POLI: variants seen among roughly 807,000 people sequenced by gnomAD.
POLI encodes the protein RAD30 homolog B.
POLI carries 58 observed loss-of-function variants against 51.6 expected under a neutral mutation model. That is an observed-to-expected ratio of 1.12 (90% CI 0.91 to 1.40). POLI has a LOEUF of 1.40. POLI is among the 40% of genes most tolerant of loss of function. The probability of loss-of-function intolerance (pLI) is 0.00; values close to 1 mark genes in which losing one functional copy is unlikely to be tolerated. For synonymous variants in POLI, 322 were observed against 299.7 expected, an observed-to-expected ratio of 1.07 and a Z score of -0.77; for missense variants, 921 against 871.3, an observed-to-expected ratio of 1.06 and a Z score of -0.72.
chr18:54,271,602 A>G, intron 2 of POLI, 117 bp downstream of exon 2: 3 of 685,844 alleles, frequency 4.4e-6, no homozygotes, highest in Middle Eastern at 4.1e-4. Context: ...CAGTTCTTAC[A>G]GTGCTTTATA....
chr18:54,316,273 G>C (rs562834273), intron 3 of POLI, among the ~76,000 whole-genome samples: 4 of 152,144 alleles, frequency 2.6e-5, no homozygotes, highest in African/African-American at 9.6e-5. Flanking sequence ...TATTGGTATG[G>C]GACATTTTGA....
At chr18:54,309,883 C>T (rs115515961) in intron 3 of POLI, among the ~76,000 whole-genome samples, 27,631 of 152,186 alleles carry the variant, frequency 0.18, 2,707 homozygotes, top group Middle Eastern at 0.25. Context: ...GGGCATGGGA[C>T]CTGCTGAGCC....
At position 54,295,791 on chromosome 18, in the gene POLI, C is replaced by A; in HGVS notation, c.*1324C>A. On this transcript the variant is annotated 3_prime_UTR_variant, in exon 10 of 10. Transcript: ENST00000579534. ...TACACGCATGCCCTACCACACCCAGCAAATTTTTGTATTTTTAGTAGAGAT... is the reference window on the plus strand; with the variant it reads ...TACACGCATGCCCTACCACACCCAGAAAATTTTTGTATTTTTAGTAGAGAT... The A allele has an allele frequency of 4.4e-6, 1 of 228,692 alleles. No homozygotes were observed. Among genetic ancestry groups the A allele is most frequent in the Non-Finnish European group, 7.2e-6 (1 of 138,266 alleles). 14.2% of individuals were successfully genotyped at this position (228,692 alleles called of 1,614,324 possible).
chr18:54,286,079 G>T (rs975418633), intron 7 of POLI, among the ~76,000 whole-genome samples: 3 of 152,078 alleles, frequency 2.0e-5, no homozygotes, highest in Non-Finnish European at 4.4e-5. Context: ...GCCCAGGCTG[G>T]TCTTGAACTC....
At position 54,277,867 on chromosome 18, in the gene POLI, C is replaced by T; in HGVS notation, c.559+12C>T. On this transcript the variant is annotated intron_variant, in intron 4 of 9. Coordinates refer to ENST00000579534, the MANE Select transcript of POLI (RefSeq NM_007195.3). ...ATACAATAATCAGTGTGAGTGGGTTCTTATTCATTCTACCTACTAACCAAA... is the reference window on the plus strand; with the variant it reads ...ATACAATAATCAGTGTGAGTGGGTTTTTATTCATTCTACCTACTAACCAAA... 6.3e-7 allele frequency: 1 copy of T among 1,582,880 alleles called. No homozygotes were observed. Among genetic ancestry groups the T allele is most frequent in the South Asian group, 1.1e-5 (1 of 88,208 alleles).
In POLI at chr18:54,294,267, G is replaced by T. The variant is rs141627949; in HGVS notation, c.2023G>T (p.Asp675Tyr). Residue 675 changes from aspartate to tyrosine, a missense_variant, in exon 10 of 10, where the codon GAT becomes TAT. Asp to Tyr is a radical substitution (Grantham distance 160). Transcript: ENST00000579534. Reference sequence around the variant, plus strand: ...ACTTTTCTCCAGAAACCACACTACAGATAGCCATAAGCAAACAGTAGCAAC... The same window carrying T: ...ACTTTTCTCCAGAAACCACACTACATATAGCCATAAGCAAACAGTAGCAAC... Reference protein sequence around the residue: ...EQLFSRNHTTDSHKQTVATDS... With the variant: ...EQLFSRNHTTYSHKQTVATDS... 1.2e-6 allele frequency: 2 copies of T among 1,613,650 alleles called. No individual in the cohort carries two copies. Among genetic ancestry groups the T allele is most frequent in the Non-Finnish European group, 1.7e-6 (2 of 1,179,704 alleles).
At chr18:54,277,965 A>T in intron 4 of POLI, 110 bp downstream of exon 4, 3 of 796,006 alleles carry the variant, frequency 3.8e-6, no homozygotes, top group South Asian at 3.9e-5. Flanking sequence ...TGTTGGAGGT[A>T]TAGTTATATT....
At chr18:54,273,878 A>G in intron 2 of POLI, 48 bp from the exon 3 acceptor site, 1 of 1,011,226 alleles carries the variant, frequency 9.9e-7, no homozygotes, top group South Asian at 2.4e-5. Context: ...ATATCTTTAA[A>G]TGTTTTCTTC....
chr18:54,285,457 G>T (rs568600364), intron 7 of POLI, among the ~76,000 whole-genome samples: 4 of 151,394 alleles, frequency 2.6e-5, no homozygotes, highest in African/African-American at 4.9e-5. Context: ...CACACCACGG[G>T]CCCTTATTTC....
At chr18:54,305,444 G>A (rs2088566436) in intron 3 of POLI, among the ~76,000 whole-genome samples, 1 of 152,122 alleles carries the variant, frequency 6.6e-6, no homozygotes, top group Non-Finnish European at 1.5e-5. Flanking sequence ...TCATTGAGCA[G>A]TGGTTTGTAG....
At chr18:54,289,558 T>C (rs557895722) in intron 8 of POLI, among the ~76,000 whole-genome samples, 30 of 151,718 alleles carry the variant, frequency 2.0e-4, no homozygotes, top group Admixed American at 3.9e-4. Context: ...GGAGGCATCA[T>C]GCTACCTGAC....
intron 3 of POLI, among the ~76,000 whole-genome samples, chr18:54,310,030 C>T (rs1262206275): frequency 6.6e-6 from 1 of 152,202 alleles, no homozygotes; most frequent in African/African-American, 2.4e-5. Flanking sequence ...ATTCCCCGGC[C>T]CCTTGTGCTT....
chr18:54,314,832 T>C (rs2088711598), intron 3 of POLI, among the ~76,000 whole-genome samples: 1 of 148,818 alleles, frequency 6.7e-6, no homozygotes, highest in African/African-American at 2.5e-5. Context: ...TATTTCTGAT[T>C]GTGTTTATTT....
At chr18:54,319,431 C>G (rs988803879) in intron 3 of POLI, among the ~76,000 whole-genome samples, 1 of 151,996 alleles carries the variant, frequency 6.6e-6, no homozygotes, top group Admixed American at 6.6e-5. Flanking sequence ...GATAATTTCT[C>G]GATAAGACTA....
In POLI at chr18:54,277,345, A is replaced by G. The variant is rs529656897; in HGVS notation, c.407-358A>G. ...TTACTTGTTTTTAACTTTCCTGAGC[A>G]GCCTATAGTTTATTCTTTGACACAT... On this transcript the variant is annotated intron_variant, in intron 3 of 9. Coordinates refer to ENST00000579534, the MANE Select transcript of POLI (RefSeq NM_007195.3). Among the ~76,000 whole-genome samples, 4 of 152,346 alleles carry G rather than the reference A, an allele frequency of 2.6e-5. No individual in the cohort carries two copies. In the East Asian group the frequency reaches 7.7e-4, roughly 29 times the overall value.
intron 6 of POLI, among the ~76,000 whole-genome samples, 188 bp downstream of exon 6, chr18:54,283,203 A>G (rs954110632): frequency 3.9e-5 from 6 of 152,116 alleles, no homozygotes; most frequent in African/African-American, 1.2e-4. Flanking sequence ...TTAAGCATTG[A>G]TATTTTGATA....
chr18:54,290,914 C>T (rs1276185026), intron 8 of POLI, among the ~76,000 whole-genome samples: 1 of 152,134 alleles, frequency 6.6e-6, no homozygotes, highest in East Asian at 1.9e-4. Context: ...TAACACGGTA[C>T]ATGTATACCT....
chr18:54,276,349 C>A (rs1394258088), intron 3 of POLI, among the ~76,000 whole-genome samples: 1 of 152,152 alleles, frequency 6.6e-6, no homozygotes, highest in East Asian at 1.9e-4. Flanking sequence ...AACAGTGAGA[C>A]CCTGTCTCAT....
At chr18:54,316,452 A>G (rs1361460875) in intron 3 of POLI, among the ~76,000 whole-genome samples, 1 of 152,222 alleles carries the variant, frequency 6.6e-6, no homozygotes, top group African/African-American at 2.4e-5. Context: ...TTTATGTACA[A>G]AACAATTATT....
Sources: allele counts gnomAD v4.1 joint callset (sites outside exome capture counted in the v4.1 genomes callset), GRCh38; gene constraint gnomAD v4.1.1; transcripts MANE v1.5; gene names NCBI Gene and HGNC (gene_info 2026-07-23, HGNC 2026-07-21).